The following SEMA5A variants were observed in gnomAD, a reference collection of about 807,000 sequenced individuals.
The protein encoded by SEMA5A is semaphorin-5A.
Under a neutral mutation model 135.5 loss-of-function variants are expected in SEMA5A, and 55 were observed. The observed-to-expected ratio is 0.41, with a 90% CI of 0.33 to 0.51. The LOEUF (loss-of-function observed/expected upper bound fraction) is 0.51, where lower values mean the gene tolerates loss of function less well. Ranked by LOEUF, SEMA5A falls within the 20% of genes least tolerant of loss-of-function variation. The probability of loss-of-function intolerance (pLI) is 0.37; values close to 1 mark genes in which losing one functional copy is unlikely to be tolerated. For synonymous variants in SEMA5A, 580 were observed against 546.5 expected, an observed-to-expected ratio of 1.06 and a Z score of -0.85; for missense variants, 1,290 against 1,419.9, an observed-to-expected ratio of 0.91 and a Z score of 1.47.
At chr5:9,342,968 A>T (rs965108815) in intron 3 of SEMA5A, among the ~76,000 whole-genome samples, 14 of 152,186 alleles carry the variant, frequency 9.2e-5, no homozygotes, top group African/African-American at 3.4e-4. Context: ...GGAAAATTAC[A>T]GGAAGAAAGA....
intron 6 of SEMA5A, among the ~76,000 whole-genome samples, chr5:9,229,996 G>GT (rs1329618769): frequency 4.6e-5 from 7 of 151,814 alleles, no homozygotes; most frequent in Non-Finnish European, 7.4e-5. Flanking sequence ...TTTTGTTTTT[G>GT]TTTTTTGAGA....
intron 6 of SEMA5A, 46 bp from the exon 7 acceptor site, chr5:9,227,013 A>G (rs1286919548): frequency 1.7e-5 from 16 of 929,600 alleles, no homozygotes; most frequent in Admixed American, 8.1e-5. Flanking sequence ...ATATATATGT[A>G]TAATGATAAA....
chr5:9,268,268 C>A (rs1343035980), intron 5 of SEMA5A, among the ~76,000 whole-genome samples: 1 of 152,076 alleles, frequency 6.6e-6, no homozygotes, highest in Non-Finnish European at 1.5e-5. Context: ...ATATTTTTAA[C>A]ACATCGATAA....
chr5:9,046,070 GTGT>G (rs779520215), intron 21 of SEMA5A: 1 of 152,248 alleles, frequency 6.6e-6, no homozygotes, highest in Non-Finnish European at 1.5e-5. Context: ...ATCTTCCTCT[GTGT>G]TGTTATCTTC....
intron 2 of SEMA5A, among the ~76,000 whole-genome samples, chr5:9,384,629 TAG>T (rs1561207950): frequency 6.8e-5 from 8 of 117,384 alleles, no homozygotes; most frequent in Admixed American, 2.6e-4. Context: ...CATAGATAGA[TAG>T]ATAGATAGAT....
At chr5:9,176,729 G>A (rs916564282) in intron 11 of SEMA5A, among the ~76,000 whole-genome samples, 3 of 152,130 alleles carry the variant, frequency 2.0e-5, no homozygotes, top group African/African-American at 7.2e-5. Context: ...AAAGCTGATG[G>A]TGTCAGAGGT....
chr5:9,227,130 A>G (rs1747358224), intron 6 of SEMA5A, among the ~76,000 whole-genome samples, 163 bp from the exon 7 acceptor site: 1 of 152,114 alleles, frequency 6.6e-6, no homozygotes, highest in South Asian at 2.1e-4. Context: ...CAACAAATAA[A>G]CCTTTCAGAT....
intron 11 of SEMA5A, among the ~76,000 whole-genome samples, chr5:9,161,662 G>A (rs140109783): frequency 3.3e-5 from 5 of 152,326 alleles, no homozygotes; most frequent in African/African-American, 1.2e-4. Flanking sequence ...AGGATGTACA[G>A]GGGTGTCCTG....
intron 11 of SEMA5A, among the ~76,000 whole-genome samples, chr5:9,178,436 A>C (rs901867660): frequency 3.4e-5 from 5 of 145,532 alleles, no homozygotes; most frequent in Non-Finnish European, 7.4e-5. Flanking sequence ...GGTTCAAGTG[A>C]TTCTCCTGCC....
intron 1 of SEMA5A, among the ~76,000 whole-genome samples, chr5:9,473,445 T>G (rs1039900289): frequency 1.4e-5 from 2 of 143,472 alleles, no homozygotes; most frequent in African/African-American, 5.1e-5. Flanking sequence ...ACCCTGGTTC[T>G]GTGACCCTGG....
At chr5:9,422,968 C>G (rs1757521434) in intron 2 of SEMA5A, among the ~76,000 whole-genome samples, 1 of 152,180 alleles carries the variant, frequency 6.6e-6, no homozygotes, top group Non-Finnish European at 1.5e-5. Context: ...TTCTCTGGGT[C>G]TAACAGACTG....
At chr5:9,211,542 C>T (rs1020517808) in intron 8 of SEMA5A, among the ~76,000 whole-genome samples, 9 of 152,148 alleles carry the variant, frequency 5.9e-5, no homozygotes, top group African/African-American at 2.2e-4. Flanking sequence ...CTCTCACTGT[C>T]CCCAGGTTGG....
intron 5 of SEMA5A, among the ~76,000 whole-genome samples, chr5:9,314,767 A>G (rs1752318945): frequency 6.6e-6 from 1 of 152,038 alleles, no homozygotes; most frequent in Admixed American, 6.6e-5. Flanking sequence ...AGGCTACAGA[A>G]CTCCGTACAC....
intron 15 of SEMA5A, among the ~76,000 whole-genome samples, chr5:9,111,282 T>C (rs1351013768): frequency 2.0e-5 from 3 of 152,088 alleles, no homozygotes; most frequent in South Asian, 4.2e-4. Context: ...ACCCCTCTCC[T>C]AAAAACAACA....
intron 16 of SEMA5A, among the ~76,000 whole-genome samples, chr5:9,102,032 T>C (rs536524534): frequency 6.6e-6 from 1 of 152,204 alleles, no homozygotes; most frequent in African/African-American, 2.4e-5. Context: ...ACTTTTCATA[T>C]ATCTCTTCAT....
intron 4 of SEMA5A, among the ~76,000 whole-genome samples, chr5:9,329,760 G>C (rs1024865865): frequency 2.0e-5 from 3 of 152,168 alleles, no homozygotes; most frequent in Admixed American, 2.0e-4. Flanking sequence ...ATTTACGGCT[G>C]TCCCTTGGTA....
chr5:9,087,695 A>G (rs1289826677), intron 16 of SEMA5A, among the ~76,000 whole-genome samples: 2 of 152,092 alleles, frequency 1.3e-5, no homozygotes, highest in African/African-American at 2.4e-5. Flanking sequence ...GAGGTCACTT[A>G]TATGCCAGTT....
chr5:9,518,507 CTATT>C (rs1415761024), intron 1 of SEMA5A, among the ~76,000 whole-genome samples: 1 of 152,144 alleles, frequency 6.6e-6, no homozygotes, highest in African/African-American at 2.4e-5. Context: ...TCTGGATATC[CTATT>C]TAAAGGTTGA....
Position 9,337,691 on chromosome 5 carries a change from G to A in SEMA5A, c.224+22C>T, listed in dbSNP as rs1267469593. 3 of 1,551,000 alleles carry A rather than the reference G, an allele frequency of 1.9e-6. No homozygotes were observed. The South Asian group carries it at 3.4e-5, about 18-fold the overall frequency. ...AATGAAGTCCAAAAATATCTGTGGT[G>A]GCAAAATACAATATCTCTCACCTTG... On this transcript the variant is annotated intron_variant, in intron 4 of 22. Coordinates refer to ENST00000382496, the MANE Select transcript of SEMA5A (RefSeq NM_003966.3).
Sources: gnomAD v4.1 joint callset for allele counts (sites outside exome capture counted in the v4.1 genomes callset) on GRCh38, gnomAD v4.1.1 for gene constraint, MANE v1.5 for transcripts, NCBI Gene and HGNC (gene_info 2026-07-23, HGNC 2026-07-21) for gene names.